The following NBAS variants were observed in gnomAD, a reference collection of about 807,000 sequenced individuals.
NBAS encodes the protein NBAS subunit of NRZ tethering complex.
A neutral mutation model predicts 302.5 loss-of-function variants in NBAS; 219 were observed. That is an observed-to-expected ratio of 0.72 (90% CI 0.65 to 0.81). The LOEUF (loss-of-function observed/expected upper bound fraction) is 0.81, where lower values mean the gene tolerates loss of function less well. Ranked by LOEUF, NBAS falls within the 30% of genes least tolerant of loss-of-function variation. NBAS has a pLI of 0.00. For synonymous variants in NBAS, 1,118 were observed against 1,021.6 expected (o/e 1.09, Z -1.80); for missense variants, 2,932 against 2,841.6 (o/e 1.03, Z -0.72).
the NBAS span, among the ~76,000 whole-genome samples, chr2:15,006,254 T>C: frequency 1.3e-5 from 2 of 152,182 alleles, no homozygotes; most frequent in African/African-American, 4.8e-5. Context: ...CTTATCATAT[T>C]GTTTGATTCA....
At chr2:14,824,769 G>A in the NBAS span, among the ~76,000 whole-genome samples, 1 of 152,120 alleles carries the variant, frequency 6.6e-6, no homozygotes, top group Non-Finnish European at 1.5e-5. Flanking sequence ...ATCGGCGATT[G>A]CGACTTGGAG....
At chr2:15,395,794 A>C (rs569880366) in intron 27 of NBAS, among the ~76,000 whole-genome samples, 1 of 152,232 alleles carries the variant, frequency 6.6e-6, no homozygotes, top group Admixed American at 6.5e-5. Flanking sequence ...TTAAATGTGC[A>C]TATTTATATA....
chr2:14,833,825 C>T, the NBAS span, among the ~76,000 whole-genome samples: 1 of 151,752 alleles, frequency 6.6e-6, no homozygotes, highest in South Asian at 2.1e-4. Flanking sequence ...GATTAAGCTA[C>T]ACGATATCTC....
intron 24 of NBAS, among the ~76,000 whole-genome samples, chr2:15,416,915 G>T (rs79110540): frequency 0.013 from 2,050 of 151,992 alleles, 33 homozygotes; most frequent in East Asian, 0.059. Flanking sequence ...TCATGCAGTT[G>T]TGACTCTGCC....
the NBAS span, among the ~76,000 whole-genome samples, chr2:15,125,167 G>C: frequency 4.6e-5 from 7 of 152,194 alleles, no homozygotes; most frequent in Admixed American, 3.9e-4. Flanking sequence ...GAGCCCACCT[G>C]TATTAGTCTG....
chr2:15,009,636 A>ATATATATGTAGGAATG, the NBAS span, among the ~76,000 whole-genome samples: 15 of 148,518 alleles, frequency 1.0e-4, no homozygotes, highest in East Asian at 2.0e-4. Context: ...ACACACACAC[A>ATATATATGTAGGAATG]CATATACACA....
chr2:15,366,980 T>A (rs184717623), intron 31 of NBAS, among the ~76,000 whole-genome samples: 1 of 152,298 alleles, frequency 6.6e-6, no homozygotes, highest in African/African-American at 2.4e-5. Context: ...TTATGTACCA[T>A]GTCAGGACTT....
chr2:14,966,512 A>G, the NBAS span, among the ~76,000 whole-genome samples: 2 of 152,174 alleles, frequency 1.3e-5, no homozygotes, highest in Non-Finnish European at 2.9e-5. Flanking sequence ...CGCCCTCCAT[A>G]TACACAAGTT....
intron 19 of NBAS, among the ~76,000 whole-genome samples, chr2:15,465,762 A>G (rs1012155317): frequency 6.6e-6 from 1 of 152,224 alleles, no homozygotes; most frequent in Non-Finnish European, 1.5e-5. Flanking sequence ...GTTACAGTAT[A>G]ATAATAAATA....
the NBAS span, among the ~76,000 whole-genome samples, chr2:15,064,092 TTATC>T: frequency 6.6e-6 from 1 of 152,274 alleles, no homozygotes; most frequent in Non-Finnish European, 1.5e-5. Flanking sequence ...TCCTTATTGA[TTATC>T]TGTCTTCGTT....
chr2:15,198,769 A>C (rs1431571689), intron 48 of NBAS, among the ~76,000 whole-genome samples: 1 of 152,200 alleles, frequency 6.6e-6, no homozygotes, highest in Non-Finnish European at 1.5e-5. Context: ...TTGTCTACTT[A>C]CTTTCCGAAA....
chr2:15,151,834 C>G, the NBAS span, among the ~76,000 whole-genome samples: 1 of 152,094 alleles, frequency 6.6e-6, no homozygotes, highest in Non-Finnish European at 1.5e-5. Context: ...GCTGTATCCA[C>G]TCAAGAGTCT....
chr2:14,793,566 T>A, the NBAS span, among the ~76,000 whole-genome samples: 1 of 152,010 alleles, frequency 6.6e-6, no homozygotes, highest in East Asian at 1.9e-4. Context: ...CAGGTATATG[T>A]GGGGCAATTA....
chr2:14,924,865 T>A, the NBAS span, among the ~76,000 whole-genome samples: 468 of 152,312 alleles, frequency 3.1e-3, 2 homozygotes, highest in African/African-American at 0.011. Context: ...ATGCATGATA[T>A]TTTTAAAATG....
chr2:15,533,498 T>C (rs995198137), intron 9 of NBAS, among the ~76,000 whole-genome samples: 6 of 152,212 alleles, frequency 3.9e-5, no homozygotes, highest in African/African-American at 1.4e-4. Flanking sequence ...GAAGTGAGAC[T>C]TGTATGTCTT....
chr2:15,483,139 C>A (rs1680498276), intron 12 of NBAS: 1 of 154,010 alleles, frequency 6.5e-6, no homozygotes, highest in African/African-American at 2.4e-5. Flanking sequence ...CTGCCTCCAA[C>A]AACATAAAAG....
intron 40 of NBAS, among the ~76,000 whole-genome samples, chr2:15,297,479 G>A (rs767953021): frequency 4.6e-5 from 7 of 152,122 alleles, no homozygotes; most frequent in Admixed American, 2.6e-4. Context: ...TGCTGTTCTC[G>A]TGATGGAGTT....
chr2:15,492,861 A>C (rs892913948), intron 11 of NBAS, among the ~76,000 whole-genome samples: 10 of 152,242 alleles, frequency 6.6e-5, no homozygotes. Flanking sequence ...ATCTCAAGTC[A>C]CAGTTAGAAA....
At chr2:15,129,614 C>T in the NBAS span, among the ~76,000 whole-genome samples, 3 of 152,170 alleles carry the variant, frequency 2.0e-5, no homozygotes, top group Non-Finnish European at 2.9e-5. Flanking sequence ...TCCCTTCTTT[C>T]GGGGCCCAAT....
Sources: allele counts gnomAD v4.1 joint callset (sites outside exome capture counted in the v4.1 genomes callset), GRCh38; gene constraint gnomAD v4.1.1; transcripts MANE v1.5; gene names NCBI Gene and HGNC (gene_info 2026-07-23, HGNC 2026-07-21).